Variants in SBF2 observed in about 807,000 individuals in gnomAD.
SBF2 encodes SET binding factor 2.
SBF2 carries 112 observed loss-of-function variants against 225.2 expected under a neutral mutation model. That is an observed-to-expected ratio of 0.50 (90% confidence interval 0.43 to 0.58). The LOEUF (loss-of-function observed/expected upper bound fraction) is 0.58. Ranked by LOEUF, SBF2 falls within the 20% of genes least tolerant of loss-of-function variation. SBF2 has a pLI of 0.00. For synonymous variants in SBF2, 763 were observed against 773.3 expected (o/e 0.99, Z 0.22); for missense variants, 1,996 against 2,206.2 (o/e 0.90, Z 1.91).
chr11:9,963,905 G>C lies in SBF2; in HGVS notation c.1601-23C>G, dbSNP rs1292640828. 4 of 1,324,894 alleles carry C rather than the reference G, an allele frequency of 3.0e-6. No individual in the cohort carries two copies. In the South Asian group the frequency reaches 4.8e-5, roughly 16 times the overall value. 82.1% of individuals were successfully genotyped at this position (1,324,894 alleles called of 1,614,324 possible). A position where few individuals can be genotyped will look rare whatever the true frequency, so the allele number is the denominator to read the frequency against. Reference sequence around the variant, plus strand: ...AAACTAGTAAAAGAATATAAAGAAAGCACAAATAAATTAAACTTCTTTGGT... The same window carrying C: ...AAACTAGTAAAAGAATATAAAGAAACCACAAATAAATTAAACTTCTTTGGT... On this transcript the variant is annotated intron_variant, in intron 14 of 39. Transcript: ENST00000256190.
intron 17 of SBF2, among the ~76,000 whole-genome samples, chr11:9,889,897 T>G (rs543917615): frequency 6.6e-6 from 1 of 152,198 alleles, no homozygotes; most frequent in Admixed American, 6.5e-5. Flanking sequence ...ACCTATTTAT[T>G]TATTTATTTC....
intron 6 of SBF2, among the ~76,000 whole-genome samples, chr11:10,007,500 G>A (rs113210791): frequency 0.01 from 1,565 of 152,244 alleles, 10 homozygotes; most frequent in Non-Finnish European, 0.015. Context: ...TTACTTTGCC[G>A]CCAGCAGGGA....
intron 28 of SBF2, chr11:9,828,647 T>C (rs1855204368): frequency 1.0e-6 from 1 of 985,058 alleles, no homozygotes; most frequent in South Asian, 4.7e-5. Flanking sequence ...AACAGAATAT[T>C]AGTACAAGTC....
chr11:10,067,082 A>G (rs191690417), intron 2 of SBF2, among the ~76,000 whole-genome samples: 14 of 152,272 alleles, frequency 9.2e-5, no homozygotes, highest in Admixed American at 9.2e-4. Flanking sequence ...GATTGAGACC[A>G]GCCTGGGCAA....
intron 32 of SBF2, among the ~76,000 whole-genome samples, chr11:9,803,878 T>A (rs575106642): frequency 6.6e-6 from 1 of 151,978 alleles, no homozygotes; most frequent in East Asian, 1.9e-4. Flanking sequence ...TAGCAGTAAA[T>A]GATAGAAGAG....
At chr11:9,785,684 A>T (rs547018339) in intron 36 of SBF2, among the ~76,000 whole-genome samples, 26 of 152,226 alleles carry the variant, frequency 1.7e-4, no homozygotes, top group Admixed American at 2.6e-4. Context: ...CAACATGGCG[A>T]AGCCCCATTT....
At chr11:10,122,142 G>A (rs1474869273) in intron 2 of SBF2, among the ~76,000 whole-genome samples, 1 of 152,182 alleles carries the variant, frequency 6.6e-6, no homozygotes, top group East Asian at 1.9e-4. Context: ...AGGCTGCTAT[G>A]ATCTATGGTA....
intron 2 of SBF2, among the ~76,000 whole-genome samples, chr11:10,067,858 C>A (rs1950689873): frequency 6.6e-6 from 1 of 152,106 alleles, no homozygotes; most frequent in Non-Finnish European, 1.5e-5. Flanking sequence ...TGCCACTGAA[C>A]TCCAGCCTGG....
chr11:9,950,815 G>C (rs10840330), intron 16 of SBF2, among the ~76,000 whole-genome samples: 40,585 of 152,080 alleles, frequency 0.27, 5,802 homozygotes, highest in Admixed American at 0.36. Context: ...TCAGTATAGG[G>C]ACTAAAATTC....
At chr11:9,930,795 T>C (rs904935389) in intron 16 of SBF2, among the ~76,000 whole-genome samples, 5 of 152,134 alleles carry the variant, frequency 3.3e-5, no homozygotes, top group African/African-American at 1.2e-4. Flanking sequence ...CAGCGTGGGG[T>C]GTCACCTCAC....
intron 2 of SBF2, among the ~76,000 whole-genome samples, chr11:10,103,870 G>A (rs887761648): frequency 3.9e-5 from 6 of 152,140 alleles, no homozygotes; most frequent in African/African-American, 1.2e-4. Context: ...TGCTTGAGCC[G>A]AGATAGCTGA....
intron 16 of SBF2, among the ~76,000 whole-genome samples, chr11:9,928,475 C>T (rs1013807293): frequency 6.6e-6 from 1 of 152,196 alleles, no homozygotes; most frequent in Non-Finnish European, 1.5e-5. Context: ...TGTGGAAATA[C>T]TGGAACTCTC....
At chr11:10,217,255 T>C (rs1389529114) in intron 1 of SBF2, among the ~76,000 whole-genome samples, 3 of 152,222 alleles carry the variant, frequency 2.0e-5, no homozygotes, top group African/African-American at 2.4e-5. Context: ...AATATATTCA[T>C]TGCTCATAAA....
intron 6 of SBF2, among the ~76,000 whole-genome samples, chr11:10,009,105 T>C (rs1948330139): frequency 6.6e-6 from 1 of 152,176 alleles, no homozygotes; most frequent in South Asian, 2.1e-4. Context: ...CATCCCCTTT[T>C]TGAACTGCGA....
At chr11:10,276,008 C>A (rs1195183686) in intron 1 of SBF2, among the ~76,000 whole-genome samples, 3 of 152,002 alleles carry the variant, frequency 2.0e-5, no homozygotes, top group African/African-American at 7.2e-5. Flanking sequence ...ATTCAAGAAG[C>A]TTGAAAAAAA....
chr11:10,282,665 T>C (rs1963493974), intron 1 of SBF2, among the ~76,000 whole-genome samples: 2 of 152,210 alleles, frequency 1.3e-5, no homozygotes, highest in South Asian at 4.1e-4. Context: ...TTCAAATTTC[T>C]CTAGCATCCA....
At chr11:9,789,491 A>AAAT (rs1852599460) in intron 34 of SBF2, 149 bp from the exon 35 acceptor site, 1 of 628,818 alleles carries the variant, frequency 1.6e-6, no homozygotes, top group African/African-American at 1.8e-5. Flanking sequence ...TAAAAATCAT[A>AAAT]CATCAAGATA....
chr11:10,015,071 C>G (rs1772959512), intron 6 of SBF2, among the ~76,000 whole-genome samples: 1 of 152,072 alleles, frequency 6.6e-6, no homozygotes, highest in South Asian at 2.1e-4. Flanking sequence ...GAGGTCGAGG[C>G]TACAGTGAGC....
In SBF2 at chr11:9,914,743, G is replaced by A. The variant is rs180953977; in HGVS notation, c.1861-18732C>T. On this transcript the variant is annotated intron_variant, in intron 16 of 39. Transcript: ENST00000256190. ...CTGTGAAAGATACCATCAAGAGAAT[G>A]AAAAAATAAGCCACAGATTAAGAGA... Among the ~76,000 whole-genome samples, 387 of 152,074 alleles carry A rather than the reference G, an allele frequency of 2.5e-3. 1 individual carries two copies. The highest frequency in any genetic ancestry group is 8.8e-3 in the African/African-American group (365 of 41,518).
Sources: gnomAD v4.1 joint callset for allele counts (sites outside exome capture counted in the v4.1 genomes callset) on GRCh38, gnomAD v4.1.1 for gene constraint, MANE v1.5 for transcripts, NCBI Gene and HGNC (gene_info 2026-07-23, HGNC 2026-07-21) for gene names.